DISC1: variants seen among roughly 807,000 people sequenced by gnomAD.
DISC1 encodes the protein disrupted in schizophrenia 1 protein.
DISC1 carries 57 observed loss-of-function variants against 84.5 expected under a neutral mutation model. The ratio of observed to expected loss-of-function variants is 0.67; its 90% CI spans 0.55 to 0.84. The LOEUF is 0.84. Among genes scored for constraint, DISC1 ranks in the 40% least tolerant of loss-of-function variants. The pLI is 0.00. For synonymous variants in DISC1, 411 were observed against 415.2 expected (o/e 0.99, Z 0.12); for missense variants, 1,000 against 1,057.8 (o/e 0.95, Z 0.76).
At chr1:231,970,098 C>A (rs954049245) in intron 10 of DISC1, among the ~76,000 whole-genome samples, 4 of 152,132 alleles carry the variant, frequency 2.6e-5, no homozygotes, top group African/African-American at 9.7e-5. Flanking sequence ...GATTTATAAT[C>A]CTTTGGGTAT....
chr1:231,748,024 AT>A (rs2074202153), intron 3 of DISC1, among the ~76,000 whole-genome samples: 1 of 151,894 alleles, frequency 6.6e-6, no homozygotes, highest in African/African-American at 2.4e-5. Context: ...TTATTAATTT[AT>A]TTTTCAGCTA....
intron 4 of DISC1, among the ~76,000 whole-genome samples, chr1:231,757,837 A>G (rs2075287456): frequency 6.6e-6 from 1 of 152,072 alleles, no homozygotes; most frequent in Non-Finnish European, 1.5e-5. Flanking sequence ...TTCCTTAGAC[A>G]ATGCTGCAGC....
chr1:231,788,637 A>C (rs1279623515), intron 6 of DISC1, among the ~76,000 whole-genome samples: 1 of 152,240 alleles, frequency 6.6e-6, no homozygotes, highest in African/African-American at 2.4e-5. Context: ...TCTAACAGAG[A>C]TAAACCAGAG....
In DISC1 at chr1:231,954,369, G is replaced by T. The variant is rs1415535688; in HGVS notation, c.1982-4459G>T. Among the ~76,000 whole-genome samples the T allele has an allele frequency of 1.3e-5, 2 of 152,172 alleles. No homozygotes were observed. Among genetic ancestry groups the T allele is most frequent in the Admixed American group, 6.5e-5 (1 of 15,276 alleles). ...TTTCATGCACTCTACTGTTTTCACT[G>T]ATTTATGGCATTTAATTATCAATCT... is the stretch of plus-strand genomic sequence containing the variant. On this transcript the variant is annotated intron_variant, in intron 9 of 12. Transcript: ENST00000439617. This position sits in a 1 kb window ranked among gnomAD's most constrained non-coding sequence, Gnocchi z 4.8.
intron 1 of DISC1, among the ~76,000 whole-genome samples, chr1:231,635,318 CT>C (rs961942093): frequency 4.0e-5 from 6 of 151,856 alleles, no homozygotes; most frequent in Non-Finnish European, 8.8e-5. Context: ...ACACTCTGGC[CT>C]TTTTATTATG....
intron 9 of DISC1, among the ~76,000 whole-genome samples, chr1:231,921,580 A>C (rs1444145938): frequency 6.6e-6 from 1 of 152,146 alleles, no homozygotes; most frequent in Non-Finnish European, 1.5e-5. Flanking sequence ...ATTCTTCAAA[A>C]AGTCAACTTA....
rs372329387 is a variant in DISC1 at position 231,977,676 on chromosome 1, T to C, written c.2042+18788T>C. 2.6e-5 allele frequency among the ~76,000 whole-genome samples: 4 copies of C among 152,314 alleles called. No homozygotes were observed. In the East Asian group the frequency reaches 7.7e-4, roughly 29 times the overall value. ...TTCCCGGGATTAGAACATGGACATA[T>C]CTGGGGAGCCATGAATCTACCACCC... On this transcript the variant is annotated intron_variant, in intron 10 of 12. Coordinates refer to ENST00000439617, the MANE Select transcript of DISC1 (RefSeq NM_018662.3).
intron 1 of DISC1, among the ~76,000 whole-genome samples, chr1:231,691,048 G>T (rs917119254): frequency 3.3e-5 from 5 of 152,142 alleles, no homozygotes; most frequent in Non-Finnish European, 7.4e-5. Flanking sequence ...AGAAACAAGG[G>T]TTCACAGTGG....
intron 4 of DISC1, among the ~76,000 whole-genome samples, chr1:231,753,043 G>A (rs183315316): frequency 6.6e-6 from 1 of 152,218 alleles, no homozygotes; most frequent in South Asian, 2.1e-4. Flanking sequence ...TCACAGGCTG[G>A]CATTGAGTAC....
At chr1:231,918,325 A>T (rs576228205) in intron 9 of DISC1, among the ~76,000 whole-genome samples, 1 of 152,210 alleles carries the variant, frequency 6.6e-6, no homozygotes, top group Admixed American at 6.5e-5. Context: ...TTGGAATTTC[A>T]TGTGAGATTA....
intron 8 of DISC1, among the ~76,000 whole-genome samples, chr1:231,814,814 A>AG (rs918879329): frequency 2.0e-5 from 3 of 152,114 alleles, no homozygotes; most frequent in African/African-American, 7.2e-5. Context: ...TTGAAACACC[A>AG]GGGGGTTGCA....
chr1:231,989,305 T>C (rs701162), intron 10 of DISC1, among the ~76,000 whole-genome samples: 65,906 of 152,084 alleles, frequency 0.43, 16,173 homozygotes, highest in African/African-American at 0.68. Context: ...CTGCTGGAAG[T>C]TCACTTCTGT....
intron 9 of DISC1, among the ~76,000 whole-genome samples, chr1:231,911,210 C>G (rs1349806900): frequency 6.6e-6 from 1 of 152,154 alleles, no homozygotes; most frequent in Non-Finnish European, 1.5e-5. Context: ...CAATTTGATC[C>G]TGTCATTACG....
intron 6 of DISC1, among the ~76,000 whole-genome samples, chr1:231,775,031 G>C (rs1315357634): frequency 6.6e-6 from 1 of 152,200 alleles, no homozygotes; most frequent in African/African-American, 2.4e-5. Flanking sequence ...GATGGAGAGA[G>C]CCAGACAAAT....
intron 10 of DISC1, among the ~76,000 whole-genome samples, chr1:231,961,474 G>T (rs1660373229): frequency 6.6e-6 from 1 of 152,130 alleles, no homozygotes; most frequent in African/African-American, 2.4e-5. Context: ...GGGTATGATT[G>T]ATCCTGTCAC....
chr1:231,668,122 A>G (rs1485642608), intron 1 of DISC1, among the ~76,000 whole-genome samples: 2 of 152,108 alleles, frequency 1.3e-5, no homozygotes, highest in Non-Finnish European at 2.9e-5. Context: ...AGTACAACAC[A>G]CTTGTGAAAA....
chr1:231,810,246 T>C (rs1476747590), intron 8 of DISC1, among the ~76,000 whole-genome samples: 1 of 152,192 alleles, frequency 6.6e-6, no homozygotes, highest in East Asian at 1.9e-4. Context: ...TACACAGTGC[T>C]CCTGTGTCTG....
intron 4 of DISC1, among the ~76,000 whole-genome samples, chr1:231,760,552 C>T (rs552241466): frequency 2.0e-5 from 3 of 152,302 alleles, no homozygotes; most frequent in East Asian, 1.9e-4. Context: ...ATGAGAACAT[C>T]GGCCTTGTTA....
intron 10 of DISC1, among the ~76,000 whole-genome samples, chr1:231,993,772 TAAG>T (rs886471451): frequency 6.6e-6 from 1 of 152,102 alleles, no homozygotes; most frequent in African/African-American, 2.4e-5. Flanking sequence ...ATGGAGAAAT[TAAG>T]AAGAAGGGCT....
Sources: gnomAD v4.1 joint callset for allele counts (sites outside exome capture counted in the v4.1 genomes callset) on GRCh38, gnomAD v4.1.1 for gene constraint, Gnocchi (gnomAD v3.1) non-coding constraint, MANE v1.5 for transcripts, NCBI Gene and HGNC (gene_info 2026-07-23, HGNC 2026-07-21) for gene names.